Variants in STAC observed in about 807,000 individuals in gnomAD.
STAC encodes the protein SH3 and cysteine rich domain.
STAC carries 43 observed loss-of-function variants against 48.8 expected under a neutral mutation model. The ratio of observed to expected loss-of-function variants is 0.88; its 90% CI spans 0.69 to 1.14. The LOEUF (loss-of-function observed/expected upper bound fraction) is 1.14. Ranked by LOEUF, STAC falls within the 50% of genes most tolerant of loss-of-function variation. STAC has a pLI of 0.00. For missense variants in STAC, 497 were observed against 504.0 expected, an observed-to-expected ratio of 0.99 and a Z score of 0.13; for synonymous variants, 193 against 179.5, an observed-to-expected ratio of 1.07 and a Z score of -0.60.
intron 8 of STAC, among the ~76,000 whole-genome samples, chr3:36,511,744 A>G (rs549825550): frequency 6.6e-5 from 10 of 152,240 alleles, no homozygotes; most frequent in Admixed American, 1.3e-4. Context: ...GGCTTTCCCA[A>G]TTCTTCTGGT....
chr3:36,385,414 G>C (rs1185193133), intron 1 of STAC, among the ~76,000 whole-genome samples: 1 of 152,022 alleles, frequency 6.6e-6, no homozygotes, highest in Non-Finnish European at 1.5e-5. Flanking sequence ...GAATTAACTA[G>C]GTCTGAGTAT....
At chr3:36,386,803 G>A (rs1699625749) in intron 1 of STAC, among the ~76,000 whole-genome samples, 1 of 152,038 alleles carries the variant, frequency 6.6e-6, no homozygotes, top group South Asian at 2.1e-4. Flanking sequence ...CTTGATATCT[G>A]GTAGCGTAAG....
At chr3:36,388,669 A>C (rs1345313982) in intron 1 of STAC, among the ~76,000 whole-genome samples, 1 of 152,020 alleles carries the variant, frequency 6.6e-6, no homozygotes, top group Non-Finnish European at 1.5e-5. Context: ...TAGTATGAAG[A>C]AATCTATTTT....
rs111594362 is a variant in STAC, at chr3:36,494,649, C to G, written c.766+1420C>G. Among the ~76,000 whole-genome samples the G allele has an allele frequency of 5.5e-3, 844 of 152,310 alleles. 6 individuals carry two copies. The highest frequency in any genetic ancestry group is 0.019 in the African/African-American group (791 of 41,552). On this transcript the variant is annotated intron_variant, in intron 6 of 10. Coordinates refer to ENST00000273183, the MANE Select transcript of STAC (RefSeq NM_003149.3). ...AAGTGCCAGTGTTCACCATGCCCCC[C>G]CTTGCCAGACCCACACACATCTACT...
Position 36,508,848 on chromosome 3 carries a change from G to A in STAC, c.920+3014G>A, listed in dbSNP as rs528136973. Among the ~76,000 whole-genome samples the A allele has an allele frequency of 2.5e-3, 375 of 152,206 alleles. 1 individual carries two copies. The highest frequency in any genetic ancestry group is 6.8e-3 in the Middle Eastern group (2 of 294). ...ATGGGTCTCCTGAACAAAGCACACCGATGGGTCTTGACTCTTTATCCAATT... is the reference window on the plus strand; with the variant it reads ...ATGGGTCTCCTGAACAAAGCACACCAATGGGTCTTGACTCTTTATCCAATT... On this transcript the variant is annotated intron_variant, in intron 8 of 10. Coordinates refer to ENST00000273183, the MANE Select transcript of STAC (RefSeq NM_003149.3).
chr3:36,463,350 C>A (rs917704979), intron 2 of STAC, among the ~76,000 whole-genome samples: 2 of 152,056 alleles, frequency 1.3e-5, no homozygotes, highest in Non-Finnish European at 2.9e-5. Context: ...TTCTCTCTGT[C>A]CTCCTTGCAC....
At chr3:36,439,483 G>C (rs905684340) in intron 1 of STAC, among the ~76,000 whole-genome samples, 2 of 152,152 alleles carry the variant, frequency 1.3e-5, no homozygotes, top group Non-Finnish European at 2.9e-5. Flanking sequence ...ACTCAGTAGG[G>C]AGCAAACAGT....
At chr3:36,444,599 G>T (rs188097196) in intron 2 of STAC, among the ~76,000 whole-genome samples, 1 of 152,184 alleles carries the variant, frequency 6.6e-6, no homozygotes, top group African/African-American at 2.4e-5. Flanking sequence ...CTGGCATTTC[G>T]TTAGCCGAAT....
intron 2 of STAC, among the ~76,000 whole-genome samples, chr3:36,471,564 G>C (rs1361388778): frequency 6.6e-6 from 1 of 152,204 alleles, no homozygotes; most frequent in Non-Finnish European, 1.5e-5. Flanking sequence ...TCAAAAGGGA[G>C]CTAGTTACTT....
chr3:36,467,827 T>C (rs1370469718), intron 2 of STAC, among the ~76,000 whole-genome samples: 1 of 152,082 alleles, frequency 6.6e-6, no homozygotes, highest in East Asian at 1.9e-4. Flanking sequence ...TTGTTAATAT[T>C]GTTATTTCAG....
chr3:36,416,417 G>A (rs1349507736), intron 1 of STAC, among the ~76,000 whole-genome samples: 1 of 152,172 alleles, frequency 6.6e-6, no homozygotes, highest in Admixed American at 6.5e-5. Flanking sequence ...AGGCTTCAGT[G>A]AGCCATGAGC....
At chr3:36,391,619 GAGCTC>G (rs1699753396) in intron 1 of STAC, among the ~76,000 whole-genome samples, 1 of 152,026 alleles carries the variant, frequency 6.6e-6, no homozygotes, top group Non-Finnish European at 1.5e-5. Context: ...TTCTGCTGAT[GAGCTC>G]CTCCATAGAG....
chr3:36,505,314 C>G (rs1354741759), intron 7 of STAC, among the ~76,000 whole-genome samples: 6 of 152,022 alleles, frequency 3.9e-5, no homozygotes, highest in African/African-American at 1.4e-4. Context: ...ACCTGGTTCC[C>G]TTTGATATAC....
At chr3:36,521,739 G>T (rs1450403276) in intron 8 of STAC, among the ~76,000 whole-genome samples, 4 of 152,166 alleles carry the variant, frequency 2.6e-5, no homozygotes, top group Non-Finnish European at 5.9e-5. Flanking sequence ...GTGGAAAAAT[G>T]CAGGTTTACA....
At chr3:36,385,205 T>C (rs893173052) in intron 1 of STAC, among the ~76,000 whole-genome samples, 2 of 152,164 alleles carry the variant, frequency 1.3e-5, no homozygotes, top group African/African-American at 4.8e-5. Context: ...AGTCTTCCTA[T>C]ACTTTTAAGT....
intron 5 of STAC, among the ~76,000 whole-genome samples, chr3:36,492,165 G>T (rs1171203002): frequency 6.7e-6 from 1 of 148,706 alleles, no homozygotes; most frequent in East Asian, 2.0e-4. Flanking sequence ...GAGGCATTCA[G>T]TGTGGTATGC....
At chr3:36,533,712 C>T (rs1699128752) in intron 10 of STAC, among the ~76,000 whole-genome samples, 3 of 151,944 alleles carry the variant, frequency 2.0e-5, no homozygotes, top group Non-Finnish European at 4.4e-5. Context: ...ATTCTCTGCC[C>T]TCATGGTTAA....
intron 2 of STAC, among the ~76,000 whole-genome samples, chr3:36,481,962 A>T (rs1697659222): frequency 6.6e-6 from 1 of 152,198 alleles, no homozygotes; most frequent in Non-Finnish European, 1.5e-5. Flanking sequence ...GAGGGATAAG[A>T]CTGATAGTGC....
At chr3:36,534,958 C>T (rs781568218) in intron 10 of STAC, among the ~76,000 whole-genome samples, 1 of 152,136 alleles carries the variant, frequency 6.6e-6, no homozygotes, top group Non-Finnish European at 1.5e-5. Context: ...TGCACCTGGC[C>T]TCTTCATTTT....
Sources: allele counts gnomAD v4.1 joint callset (sites outside exome capture counted in the v4.1 genomes callset), GRCh38; gene constraint gnomAD v4.1.1; transcripts MANE v1.5; gene names NCBI Gene and HGNC (gene_info 2026-07-23, HGNC 2026-07-21).